The following DCAF8 variants were observed in gnomAD, a reference collection of about 807,000 sequenced individuals.
DCAF8 encodes the protein DDB1- and CUL4-associated factor 8.
In DCAF8, 20 loss-of-function variants were observed where a neutral mutation model predicts 68.0. The observed-to-expected ratio is 0.29, with a 90% CI of 0.21 to 0.43. The LOEUF (loss-of-function observed/expected upper bound fraction) is 0.43, where lower values mean the gene tolerates loss of function less well. Among genes scored for constraint, DCAF8 ranks in the 20% least tolerant of loss-of-function variants. The pLI is 1.00. For missense variants in DCAF8, 460 were observed against 771.0 expected (o/e 0.60, Z 4.78); for synonymous variants, 230 against 276.9 (o/e 0.83, Z 1.68).
At chr1:160,243,406 C>CTT (rs35258380) in intron 3 of DCAF8, among the ~76,000 whole-genome samples, 3,941 of 138,930 alleles carry the variant, frequency 0.028, 70 homozygotes, top group Non-Finnish European at 0.037. Flanking sequence ...ATGTAATCAC[C>CTT]TTTTTTTTTT....
intron 2 of DCAF8, 29 bp downstream of exon 2, chr1:160,261,256 G>A (rs1421787169): frequency 1.3e-5 from 2 of 152,194 alleles, no homozygotes; most frequent in Non-Finnish European, 2.9e-5. Context: ...TTGAACTCAA[G>A]AATTTTAATG....
intron 4 of DCAF8, 108 bp from the exon 5 acceptor site, chr1:160,238,855 C>T: frequency 8.5e-7 from 1 of 1,181,072 alleles, no homozygotes; most frequent in South Asian, 1.7e-5. Flanking sequence ...TCTTACATGA[C>T]AGCTGGAAAC....
chr1:160,239,961 T>C lies in DCAF8; in HGVS notation c.459A>G (p.Gln153=). The change falls in exon 4 of 14, where the codon CAA becomes CAG. Residue 153 remains glutamine, a synonymous_variant. Transcript: ENST00000368074. ...CCCGCTCCCGAAGGGCAGGGAGGGCTTGCCAGCGAGGTCGGGGTAGAGCTG... is the reference window on the plus strand; with the variant it reads ...CCCGCTCCCGAAGGGCAGGGAGGGCCTGCCAGCGAGGTCGGGGTAGAGCTG... ...ETSALPRPRW[Q]ALPALREREL... 1 of 1,614,202 alleles carries C rather than the reference T, an allele frequency of 6.2e-7. No individual in the cohort carries two copies. The highest frequency in any genetic ancestry group is 8.5e-7 in the Non-Finnish European group (1 of 1,180,018).
chr1:160,257,472 T>C (rs546786194), intron 2 of DCAF8, among the ~76,000 whole-genome samples: 2 of 152,338 alleles, frequency 1.3e-5, no homozygotes, highest in East Asian at 1.9e-4. Flanking sequence ...ATAGTCACTT[T>C]ATGATTTTAA....
At chr1:160,247,246 C>T (rs555732768) in intron 2 of DCAF8, among the ~76,000 whole-genome samples, 2 of 152,316 alleles carry the variant, frequency 1.3e-5, no homozygotes, top group South Asian at 4.1e-4. Flanking sequence ...ATAACCATAA[C>T]TCCTGCCAAA....
chr1:160,253,966 G>A (rs556513023), intron 2 of DCAF8, among the ~76,000 whole-genome samples: 1 of 152,318 alleles, frequency 6.6e-6, no homozygotes, highest in East Asian at 1.9e-4. Context: ...TGAATGGAAT[G>A]CTGATTTTCT....
rs151050731 is a variant in DCAF8, at chr1:160,239,976, G to C, written c.444C>G (p.Pro148=). 3.7e-6 allele frequency: 6 copies of C among 1,614,236 alleles called. No individual in the cohort carries two copies. Among genetic ancestry groups the C allele is most frequent in the East Asian group, 2.2e-5 (1 of 44,884 alleles). The change falls in exon 4 of 14, where the codon CCC becomes CCG. Residue 148 remains proline (P), a synonymous_variant. Coordinates refer to ENST00000368074, the MANE Select transcript of DCAF8 (RefSeq NM_015726.4). ...DWVSSETSAL[P]RPRWQALPAL... is the part of the protein sequence containing the mutation. ...CAGGGAGGGCTTGCCAGCGAGGTCG[G>C]GGTAGAGCTGATGTTTCTGAGGACA...
intron 2 of DCAF8, among the ~76,000 whole-genome samples, chr1:160,258,615 C>A (rs200396167): frequency 1.6e-4 from 23 of 146,388 alleles, no homozygotes; most frequent in African/African-American, 2.7e-4. Context: ...AACAAACAAA[C>A]AAAAAAAAAA....
In DCAF8 at chr1:160,216,292, TGAGA is replaced by T. The variant is rs1655114733; in HGVS notation, c.*1296_*1299del. The T allele has an allele frequency of 6.6e-6, 1 of 151,224 alleles. No individual in the cohort carries two copies. The highest frequency in any genetic ancestry group is 2.4e-5 in the African/African-American group (1 of 41,046). The allele number at this position is 151,224 out of a possible 1,614,324, so 9.4% of individuals were successfully genotyped here. ...GCAGCTAAAGGTAAGAGAGACAGAG[TGAGA>T]GAGTGTGTATGTATGTGTGTGGTGT... On this transcript the variant is annotated 3_prime_UTR_variant, in exon 14 of 14. Transcript: ENST00000368074.
chr1:160,240,972 G>C lies in DCAF8; in HGVS notation c.50-602C>G, dbSNP rs558135123. On this transcript the variant is annotated intron_variant, in intron 3 of 13. Coordinates refer to ENST00000368074, the MANE Select transcript of DCAF8 (RefSeq NM_015726.4). ...GAGGTTAGGAGATCGAGACCATCCT[G>C]GCTAACATGGTGAAACCCCGTCTCT... 1.0e-3 allele frequency among the ~76,000 whole-genome samples: 157 copies of C among 152,206 alleles called. 1 individual carries two copies. The highest frequency in any genetic ancestry group is 3.6e-3 in the African/African-American group (149 of 41,518).
chr1:160,259,259 G>T (rs190180247), intron 2 of DCAF8, among the ~76,000 whole-genome samples: 1 of 152,318 alleles, frequency 6.6e-6, no homozygotes, highest in Admixed American at 6.5e-5. Context: ...CTTTGGCCGG[G>T]CATGGTGGTT....
chr1:160,238,973 C>G (rs917574648), intron 4 of DCAF8: 7 of 575,858 alleles, frequency 1.2e-5, no homozygotes, highest in Non-Finnish European at 1.6e-5. Flanking sequence ...TCAGTTGGCT[C>G]TGGAAGATTG....
At chr1:160,258,921 C>T (rs757546932) in intron 2 of DCAF8, among the ~76,000 whole-genome samples, 57 of 152,180 alleles carry the variant, frequency 3.7e-4, no homozygotes, top group Non-Finnish European at 6.0e-4. Flanking sequence ...TCCTCCCATC[C>T]TTTCCTTCAC....
chr1:160,238,297 C>G (rs1055961158), intron 5 of DCAF8, among the ~76,000 whole-genome samples: 5 of 152,144 alleles, frequency 3.3e-5, no homozygotes, highest in African/African-American at 1.2e-4. Context: ...TCAAAATACC[C>G]TAAAAAATCA....
At chr1:160,235,811 T>C (rs1655855041) in intron 6 of DCAF8, among the ~76,000 whole-genome samples, 1 of 151,954 alleles carries the variant, frequency 6.6e-6, no homozygotes, top group African/African-American at 2.4e-5. Flanking sequence ...TGATCTCAGC[T>C]CACTGCAACC....
chr1:160,232,911 C>G (rs1438832235), intron 6 of DCAF8, among the ~76,000 whole-genome samples: 2 of 152,160 alleles, frequency 1.3e-5, no homozygotes, highest in African/African-American at 2.4e-5. Context: ...CTGTCTAAAA[C>G]AGCCATAATT....
intron 2 of DCAF8, among the ~76,000 whole-genome samples, chr1:160,247,699 C>T (rs1484616748): frequency 1.3e-5 from 2 of 152,180 alleles, no homozygotes; most frequent in Non-Finnish European, 2.9e-5. Flanking sequence ...ATCAAGTTGG[C>T]ATTCGAAAAG....
chr1:160,224,641 T>G, intron 9 of DCAF8, 92 bp from the exon 10 acceptor site: 1 of 941,070 alleles, frequency 1.1e-6, no homozygotes, highest in Non-Finnish European at 1.7e-6. Context: ...TTGCCAGTAG[T>G]GCCCCCTCCA....
intron 6 of DCAF8, among the ~76,000 whole-genome samples, chr1:160,233,798 A>G (rs1299901671): frequency 6.6e-6 from 1 of 152,122 alleles, no homozygotes; most frequent in Non-Finnish European, 1.5e-5. Flanking sequence ...CATAAAACAA[A>G]CATTTCTCCC....
Sources: allele counts gnomAD v4.1 joint callset (sites outside exome capture counted in the v4.1 genomes callset), GRCh38; gene constraint gnomAD v4.1.1; transcripts MANE v1.5; gene names NCBI Gene and HGNC (gene_info 2026-07-23, HGNC 2026-07-21).